TENM4: variants seen among roughly 807,000 people sequenced by gnomAD.
TENM4 encodes the protein teneurin-4.
TENM4 carries 82 observed loss-of-function variants against 243.3 expected under a neutral mutation model. The observed-to-expected ratio is 0.34, with a 90% confidence interval of 0.28 to 0.40. The LOEUF is 0.40. Ranked by LOEUF, TENM4 falls within the 10% of genes least tolerant of loss-of-function variation. The probability of loss-of-function intolerance (pLI) is 1.00; values close to 1 mark genes in which losing one functional copy is unlikely to be tolerated. For missense variants in TENM4, 3,138 were observed against 3,673.3 expected (o/e 0.85, Z 3.77); for synonymous variants, 1,412 against 1,456.3 (o/e 0.97, Z 0.69).
chr11:79,296,763 T>C (rs968378687), intron 2 of TENM4, among the ~76,000 whole-genome samples: 3 of 152,216 alleles, frequency 2.0e-5, no homozygotes, highest in Admixed American at 2.0e-4. Context: ...CTTTGCAAAA[T>C]GGCAGGAACA....
intron 1 of TENM4, among the ~76,000 whole-genome samples, chr11:79,298,145 C>G (rs1481868696): frequency 2.0e-5 from 3 of 152,110 alleles, no homozygotes; most frequent in Non-Finnish European, 4.4e-5. Context: ...GTGGTCAGGT[C>G]TCTGACAGGC....
intron 6 of TENM4, among the ~76,000 whole-genome samples, chr11:79,049,448 G>GA (rs925301088): frequency 2.0e-5 from 3 of 152,216 alleles, no homozygotes; most frequent in African/African-American, 7.2e-5. Context: ...ACACTAGGGG[G>GA]ATCTGCTAGG....
At chr11:79,198,521 C>T (rs1232478558) in intron 3 of TENM4, among the ~76,000 whole-genome samples, 2 of 152,226 alleles carry the variant, frequency 1.3e-5, no homozygotes, top group African/African-American at 4.8e-5. Context: ...TATTTCCTCC[C>T]CTCTAAAATG....
chr11:78,966,690 G>A (rs1857444507), intron 6 of TENM4, among the ~76,000 whole-genome samples: 1 of 152,184 alleles, frequency 6.6e-6, no homozygotes. Flanking sequence ...AAAGATAGGA[G>A]CATTAGTATC....
chr11:78,758,082 C>T (rs1856350976), intron 18 of TENM4, among the ~76,000 whole-genome samples: 1 of 152,132 alleles, frequency 6.6e-6, no homozygotes, highest in Admixed American at 6.5e-5. Context: ...CAGGTAGTGT[C>T]CAAAGTGGTG....
intron 6 of TENM4, among the ~76,000 whole-genome samples, chr11:78,905,752 C>T (rs1364642195): frequency 2.6e-5 from 4 of 152,206 alleles, no homozygotes; most frequent in African/African-American, 9.7e-5. Context: ...AAGGATGTTC[C>T]TTGCTGGGAA....
chr11:79,288,483 A>G (rs1856296608), intron 2 of TENM4, among the ~76,000 whole-genome samples: 1 of 152,226 alleles, frequency 6.6e-6, no homozygotes, highest in Non-Finnish European at 1.5e-5. Context: ...TTCTCCGCTG[A>G]TTCCACAGGG....
chr11:78,983,742 GCC>G (rs1471001992), intron 6 of TENM4, among the ~76,000 whole-genome samples: 2 of 143,162 alleles, frequency 1.4e-5, no homozygotes, highest in Non-Finnish European at 3.0e-5. Context: ...TCCTCTAGAG[GCC>G]TTTGAGGCCA....
At chr11:78,902,042 TG>T (rs1251837989) in intron 7 of TENM4, among the ~76,000 whole-genome samples, 1 of 152,216 alleles carries the variant, frequency 6.6e-6, no homozygotes, top group Admixed American at 6.5e-5. Flanking sequence ...TCCTTAACTG[TG>T]GGATGACCTT....
intron 6 of TENM4, among the ~76,000 whole-genome samples, chr11:79,025,800 G>A (rs967438769): frequency 6.6e-6 from 1 of 152,134 alleles, no homozygotes; most frequent in African/African-American, 2.4e-5. Context: ...CTGAATGGAG[G>A]CTAATTGGGA....
chr11:78,745,866 T>G (rs537434321), intron 19 of TENM4, among the ~76,000 whole-genome samples: 2 of 152,336 alleles, frequency 1.3e-5, no homozygotes, highest in Non-Finnish European at 2.9e-5. Flanking sequence ...TGCTTCAATC[T>G]TTATAACTTA....
chr11:78,937,440 C>G (rs1024422535), intron 6 of TENM4, among the ~76,000 whole-genome samples: 11 of 152,192 alleles, frequency 7.2e-5, no homozygotes, highest in Non-Finnish European at 1.3e-4. Context: ...AATCACAGTG[C>G]ACATTAGCTA....
At chr11:79,306,264 G>A (rs1856624520) in intron 1 of TENM4, among the ~76,000 whole-genome samples, 1 of 152,214 alleles carries the variant, frequency 6.6e-6, no homozygotes, top group Non-Finnish European at 1.5e-5. Context: ...CTGAGTGCTG[G>A]AAAATGCTCA....
intron 7 of TENM4, among the ~76,000 whole-genome samples, chr11:78,892,288 C>T (rs1205437547): frequency 1.3e-5 from 2 of 152,200 alleles, no homozygotes; most frequent in Admixed American, 6.5e-5. Flanking sequence ...CAGCTATCAC[C>T]TCACTTTCAG....
At chr11:79,270,409 C>T (rs1855949800) in intron 2 of TENM4, among the ~76,000 whole-genome samples, 1 of 152,146 alleles carries the variant, frequency 6.6e-6, no homozygotes, top group Non-Finnish European at 1.5e-5. Context: ...AACAAATCTG[C>T]TATATAAAAT....
intron 1 of TENM4, among the ~76,000 whole-genome samples, chr11:79,372,161 G>A (rs183087300): frequency 5.9e-5 from 9 of 152,272 alleles, no homozygotes; most frequent in Admixed American, 4.6e-4. Flanking sequence ...CCCAGCTTGT[G>A]ATATATATTT....
chr11:78,973,644 A>G (rs1278091501), intron 6 of TENM4, among the ~76,000 whole-genome samples: 4 of 152,148 alleles, frequency 2.6e-5, no homozygotes, highest in Admixed American at 6.5e-5. Flanking sequence ...TTGCTCTCAG[A>G]AGCTTACATT....
intron 6 of TENM4, among the ~76,000 whole-genome samples, chr11:79,038,072 T>C (rs1859432181): frequency 1.3e-5 from 2 of 152,224 alleles, no homozygotes; most frequent in African/African-American, 2.4e-5. Flanking sequence ...AAGTCAAAGC[T>C]GGACAAAGGA....
At chr11:79,111,563 A>G (rs1482188327) in intron 4 of TENM4, among the ~76,000 whole-genome samples, 1 of 152,114 alleles carries the variant, frequency 6.6e-6, no homozygotes, top group Admixed American at 6.5e-5. Context: ...CAACAACAAC[A>G]ACGACAAAAA....
Sources: gnomAD v4.1 joint callset for allele counts (sites outside exome capture counted in the v4.1 genomes callset) on GRCh38, gnomAD v4.1.1 for gene constraint, MANE v1.5 for transcripts, NCBI Gene and HGNC (gene_info 2026-07-23, HGNC 2026-07-21) for gene names.